LRP1B: variants seen among roughly 807,000 people sequenced by gnomAD.
LRP1B encodes the protein LDL receptor related protein 1B.
LRP1B carries 217 observed loss-of-function variants against 556.6 expected under a neutral mutation model. The observed-to-expected ratio is 0.39, with a 90% CI of 0.35 to 0.44. The LOEUF (loss-of-function observed/expected upper bound fraction) is 0.44, where lower values mean the gene tolerates loss of function less well. Among genes scored for constraint, LRP1B ranks in the 20% least tolerant of loss-of-function variants. LRP1B has a pLI of 1.00. For synonymous variants in LRP1B, 2,047 were observed against 1,865.8 expected (o/e 1.10, Z -2.50); for missense variants, 5,053 against 5,620.8 (o/e 0.90, Z 3.23).
chr2:140,484,631 G>T (rs2105361293), intron 59 of LRP1B, among the ~76,000 whole-genome samples: 1 of 152,228 alleles, frequency 6.6e-6, no homozygotes, highest in East Asian at 1.9e-4. Flanking sequence ...AAGTTAAAAA[G>T]TTATGTACAC....
chr2:141,106,535 G>GAAAAAAAAAAAA (rs1553460732), intron 7 of LRP1B, among the ~76,000 whole-genome samples: 3 of 147,222 alleles, frequency 2.0e-5, no homozygotes, highest in South Asian at 2.2e-4. Flanking sequence ...GAATTCAGAA[G>GAAAAAAAAAAAA]TAAATAGACA....
Position 140,315,062 on chromosome 2 carries a change from T to A in LRP1B, c.12678A>T (p.Arg4226Ser), listed in dbSNP as rs2105036888. The A allele has an allele frequency of 6.2e-7, 1 of 1,610,940 alleles. No homozygotes were observed. Among genetic ancestry groups the A allele is most frequent in the Non-Finnish European group, 8.5e-7 (1 of 1,178,316 alleles). The change falls in exon 83 of 91, where the codon AGA becomes AGT. Residue 4226 changes from arginine (R) to serine (S), a missense_variant. Arg to Ser is a moderately radical substitution (Grantham distance 110). This residue lies in a region of LRP1B where 551 missense variants were observed against 592.0 expected (regional missense o/e 0.93). Coordinates refer to ENST00000389484, the MANE Select transcript of LRP1B (RefSeq NM_018557.3). ...AATCACCTTTCTCATTTAAAATGCA[T>A]CTTCCTCCATTTTCACAAGTTAACT... ...SCKLTCENGG[R>S]CILNEKGDLR... is the part of the protein sequence containing the mutation.
chr2:141,820,086 G>A (rs1170815288), intron 1 of LRP1B, among the ~76,000 whole-genome samples: 2 of 151,996 alleles, frequency 1.3e-5, no homozygotes, highest in Admixed American at 6.6e-5. Flanking sequence ...TCAATAGTAA[G>A]GATTATACTA....
chr2:140,427,312 G>A (rs1377968410), intron 66 of LRP1B, among the ~76,000 whole-genome samples: 4 of 152,142 alleles, frequency 2.6e-5, no homozygotes, highest in Admixed American at 6.5e-5. Flanking sequence ...GCTCACCCAC[G>A]TTGCAGCCCA....
chr2:140,969,407 G>A (rs1696337445), intron 18 of LRP1B, among the ~76,000 whole-genome samples: 1 of 151,864 alleles, frequency 6.6e-6, no homozygotes, highest in Admixed American at 6.6e-5. Flanking sequence ...CCTTTATTTT[G>A]AGCCTATGTG....
chr2:140,351,768 T>C (rs1681972295), intron 76 of LRP1B, among the ~76,000 whole-genome samples: 1 of 152,110 alleles, frequency 6.6e-6, no homozygotes, highest in Non-Finnish European at 1.5e-5. Flanking sequence ...ATAATAATAA[T>C]AATACCTCAT....
At chr2:140,617,700 T>A (rs1683306751) in intron 41 of LRP1B, among the ~76,000 whole-genome samples, 1 of 152,016 alleles carries the variant, frequency 6.6e-6, no homozygotes, top group African/African-American at 2.4e-5. Flanking sequence ...AATGAGTAGA[T>A]AACATTTATA....
At chr2:142,017,355 A>C (rs1185939070) in intron 1 of LRP1B, among the ~76,000 whole-genome samples, 1 of 152,166 alleles carries the variant, frequency 6.6e-6, no homozygotes, top group Non-Finnish European at 1.5e-5. Flanking sequence ...TTTTGTTATG[A>C]ATGTATTTAC....
intron 24 of LRP1B, among the ~76,000 whole-genome samples, chr2:140,885,854 G>A (rs1573842996): frequency 6.8e-6 from 1 of 147,328 alleles, no homozygotes; most frequent in African/African-American, 2.5e-5. Flanking sequence ...CTAATGGTAT[G>A]TAACAACCAG....
intron 1 of LRP1B, among the ~76,000 whole-genome samples, chr2:141,899,796 T>C (rs1277321572): frequency 2.6e-5 from 4 of 152,038 alleles, no homozygotes; most frequent in African/African-American, 7.2e-5. Flanking sequence ...ACCTCAGAAA[T>C]GGATTTCATT....
chr2:141,886,918 T>A (rs956608152), intron 1 of LRP1B, among the ~76,000 whole-genome samples: 11 of 152,060 alleles, frequency 7.2e-5, no homozygotes, highest in Admixed American at 6.6e-4. Flanking sequence ...TTATTTATTT[T>A]CTGTGTGTGT....
chr2:140,510,556 A>C (rs1466358345), intron 51 of LRP1B, among the ~76,000 whole-genome samples: 1 of 152,198 alleles, frequency 6.6e-6, no homozygotes, highest in African/African-American at 2.4e-5. Flanking sequence ...AAGCTTGCAG[A>C]AAGTCACAAG....
At chr2:141,161,107 T>G (rs1680013221) in intron 7 of LRP1B, among the ~76,000 whole-genome samples, 1 of 152,110 alleles carries the variant, frequency 6.6e-6, no homozygotes, top group Admixed American at 6.6e-5. Flanking sequence ...AATAGGAGAT[T>G]TTCTTTCTTC....
In LRP1B at chr2:140,716,003, G is replaced by A. The variant is rs775396239; in HGVS notation, c.5993C>T (p.Pro1998Leu). The A allele has an allele frequency of 1.9e-6, 3 of 1,609,454 alleles. No individual in the cohort carries two copies. Among genetic ancestry groups the A allele is most frequent in the South Asian group, 2.2e-5 (2 of 90,644 alleles). ...YVIISQGLDQ[P>L]RSIAVHPEKG... is the part of the protein sequence containing the mutation. ...CTCTGGGTGCACAGCTATAGATCTT[G>A]GTTGATCCAGGCCTTGGGAAATAAT... The change falls in exon 37 of 91, where the codon CCA (proline) becomes CTA (leucine). Residue 1998 changes from proline (P) to leucine (L), a missense_variant. Around this residue, in one of 5 missense-constraint regions of LRP1B, gnomAD observed 3,619 missense variants for 3,931.9 expected, o/e 0.92. Coordinates refer to ENST00000389484, the MANE Select transcript of LRP1B (RefSeq NM_018557.3).
chr2:140,652,041 G>A (rs138926503), intron 41 of LRP1B, among the ~76,000 whole-genome samples: 1 of 151,892 alleles, frequency 6.6e-6, no homozygotes, highest in East Asian at 1.9e-4. Context: ...CAAAAAAAAT[G>A]TAAGTTTAAG....
At chr2:142,075,990 A>C (rs1251367123) in intron 1 of LRP1B, among the ~76,000 whole-genome samples, 1 of 152,090 alleles carries the variant, frequency 6.6e-6, no homozygotes, top group Non-Finnish European at 1.5e-5. Flanking sequence ...CACTGCTGTA[A>C]ATCATAGCTG....
chr2:141,271,058 A>G (rs555377818), intron 3 of LRP1B, among the ~76,000 whole-genome samples: 1 of 152,130 alleles, frequency 6.6e-6, no homozygotes, highest in African/African-American at 2.4e-5. Context: ...GAAGATAGAA[A>G]TTACTAAAAT....
At position 141,810,364 on chromosome 2, in the gene LRP1B, G is replaced by C. The variant is rs1221072372; in HGVS notation, c.120C>G (p.His40Gln). 1 of 1,612,914 alleles carries C rather than the reference G, an allele frequency of 6.2e-7. No individual in the cohort carries two copies. The highest frequency in any genetic ancestry group is 8.5e-7 in the Non-Finnish European group (1 of 1,179,322). Residue 40 changes from histidine to glutamine, a missense_variant, in exon 2 of 91, where the codon CAC becomes CAG. By Grantham distance (24) the His-to-Gln change is conservative. Around this residue, in one of 5 missense-constraint regions of LRP1B, gnomAD observed 3,619 missense variants for 3,931.9 expected, o/e 0.92. Coordinates refer to ENST00000389484, the MANE Select transcript of LRP1B (RefSeq NM_018557.3). ...QLCDPGEFLC[H>Q]DHVTCVSQSW... Reference sequence around the variant, plus strand: ...TCTGGGAGACACAAGTCACGTGATCGTGGCAAAGAAATTCACCAGGATCAC... The same window carrying C: ...TCTGGGAGACACAAGTCACGTGATCCTGGCAAAGAAATTCACCAGGATCAC...
At chr2:141,821,009 A>AG (rs1696734108) in intron 1 of LRP1B, among the ~76,000 whole-genome samples, 3 of 152,342 alleles carry the variant, frequency 2.0e-5, no homozygotes, top group East Asian at 1.9e-4. Context: ...GGTGCTTGCC[A>AG]GGGGGAGATC....
Sources: gnomAD v4.1 joint callset for allele counts (sites outside exome capture counted in the v4.1 genomes callset) on GRCh38, gnomAD v4.1.1 for gene constraint, gnomAD v4.1.1 regional missense constraint, MANE v1.5 for transcripts, NCBI Gene and HGNC (gene_info 2026-07-23, HGNC 2026-07-21) for gene names.